GUCY2D: variants seen among roughly 807,000 people sequenced by gnomAD.
The protein encoded by GUCY2D is retinal guanylyl cyclase 1.
GUCY2D carries 70 observed loss-of-function variants against 101.3 expected under a neutral mutation model. The ratio of observed to expected loss-of-function variants is 0.69; its 90% CI spans 0.57 to 0.84. The LOEUF is 0.84. Among genes scored for constraint, GUCY2D ranks in the 40% least tolerant of loss-of-function variants. The probability of loss-of-function intolerance (pLI) is 0.00; values close to 1 mark genes in which losing one functional copy is unlikely to be tolerated. For synonymous variants in GUCY2D, 688 were observed against 670.7 expected, an observed-to-expected ratio of 1.03 and a Z score of -0.40; for missense variants, 1,460 against 1,542.5, an observed-to-expected ratio of 0.95 and a Z score of 0.90.
At chr17:8,019,892 C>G (rs1043696469) in intron 19 of GUCY2D, among the ~76,000 whole-genome samples, 9 of 152,282 alleles carry the variant, frequency 5.9e-5, no homozygotes, top group African/African-American at 1.9e-4. Context: ...GGTCACTGGG[C>G]ATCCCCCACC....
At position 8,003,272 on chromosome 17, in the gene GUCY2D, G is replaced by C; in HGVS notation, c.225G>C (p.Leu75=). ...TCTTCTCTCGGGCTCGCCCGGACCT[G>C]GCCGCCCGCCTGGCCGCCGCCCGCC... ...DPIFSRARPD[L]AARLAAARLN... The change falls in exon 2 of 20, where the codon CTG becomes CTC. Residue 75 remains leucine, a synonymous_variant. Transcript: ENST00000254854. 6.7e-7 allele frequency: 1 copy of C among 1,498,918 alleles called. No homozygotes were observed. The highest frequency in any genetic ancestry group is 1.5e-5 in the African/African-American group (1 of 68,678). The allele number at this position is 1,498,918 out of a possible 1,614,324, so 92.9% of individuals were successfully genotyped here.
chr17:8,019,759 G>A (rs1976038662), intron 19 of GUCY2D, among the ~76,000 whole-genome samples: 1 of 152,126 alleles, frequency 6.6e-6, no homozygotes, highest in African/African-American at 2.4e-5. Context: ...CATTTCTCTG[G>A]AAATCTTATT....
At chr17:8,017,495 C>G (rs1976000184) in intron 19 of GUCY2D, among the ~76,000 whole-genome samples, 1 of 152,174 alleles carries the variant, frequency 6.6e-6, no homozygotes, top group Non-Finnish European at 1.5e-5. Context: ...TCTCCATCTC[C>G]CACCAGTCAG....
In GUCY2D at chr17:8,013,656, T is replaced by C. The variant is rs1357094793; in HGVS notation, c.2264-224T>C. 8 of 599,118 alleles carry C rather than the reference T, an allele frequency of 1.3e-5. No individual in the cohort carries two copies. The highest frequency in any genetic ancestry group is 2.9e-5 in the Admixed American group (1 of 33,960). The allele number at this position is 599,118 out of a possible 1,614,324, so 37.1% of individuals were successfully genotyped here. ...TACAATATGTTAGTTTCTTTGCCTA[T>C]GTCACCTCTTACTGACCCCCAGAGT... On this transcript the variant is annotated intron_variant, in intron 11 of 19. Coordinates refer to ENST00000254854, the MANE Select transcript of GUCY2D (RefSeq NM_000180.4). The surrounding 1 kb of genome is among the most constrained non-coding windows in gnomAD (Gnocchi z 5.0).
rs1212209285 is a variant in GUCY2D, at chr17:8,016,206, G to A, written c.3140G>A (p.Gly1047Asp). Residue 1047 changes from glycine to aspartate, a missense_variant and splice_region_variant, in exon 18 of 20, where the codon GGC becomes GAC. Gly to Asp is a moderately conservative substitution (Grantham distance 94). Coordinates refer to ENST00000254854, the MANE Select transcript of GUCY2D (RefSeq NM_000180.4). ...CTTCCCTCTCCCATGTCTCCCCAGG[G>A]CAAGGGCGCCGAGGACACTTTCTGG... ...VELRGRTELK[G>D]KGAEDTFWLV... The A allele has an allele frequency of 2.5e-6, 4 of 1,584,718 alleles. No homozygotes were observed. The highest frequency in any genetic ancestry group is 2.3e-5 in the South Asian group (2 of 86,704).
At chr17:8,017,960 C>G (rs1976008172) in intron 19 of GUCY2D, among the ~76,000 whole-genome samples, 1 of 152,136 alleles carries the variant, frequency 6.6e-6, no homozygotes, top group Admixed American at 6.6e-5. Context: ...TCCCAAAGTG[C>G]TGGGATTACA....
rs61750194 is a variant in GUCY2D at position 8,016,001 on chromosome 17, C to T, written c.3118C>T (p.Arg1040Ter). 3.1e-6 allele frequency: 5 copies of T among 1,609,026 alleles called. No homozygotes were observed. Among genetic ancestry groups the T allele is most frequent in the Non-Finnish European group, 1.7e-6 (2 of 1,178,222 alleles). ...GGACTCGGGCTACCAGGTGGAGCTG[C>T]GAGGCCGCACGGAGCTGAAGGTGAG... ...ALDSGYQVEL[R>*]GRTELKGKGA... The change falls in exon 17 of 20, where the codon CGA becomes TGA. Residue 1040 changes from arginine (R) to a stop codon, truncating the protein, a stop_gained. Coordinates refer to ENST00000254854, the MANE Select transcript of GUCY2D (RefSeq NM_000180.4). LOFTEE classifies it high-confidence loss of function.
chr17:8,015,347 C>T lies in GUCY2D; in HGVS notation c.2789C>T (p.Ala930Val), dbSNP rs769964799. The change falls in exon 15 of 20, where the codon GCC becomes GTC. Residue 930 changes from alanine (A) to valine (V), a missense_variant. Physicochemically the swap from Ala to Val is moderately conservative, Grantham distance 64. This residue lies in a region of GUCY2D where 49 missense variants were observed against 85.0 expected (regional missense o/e 0.58). Transcript: ENST00000254854. The part of the protein sequence containing the change: ...DVYKVETIGD[A>V]YMVASGLPQR... ...CCCCAGGTGGAGACAATAGGGGACG[C>T]CTATATGGTGGCCTCGGGGCTGCCC... 6.2e-7 allele frequency: 1 copy of T among 1,608,652 alleles called. No homozygotes were observed. The highest frequency in any genetic ancestry group is 8.5e-7 in the Non-Finnish European group (1 of 1,179,930).
Position 8,006,635 on chromosome 17 carries a change from G to A in GUCY2D, c.1299G>A (p.Arg433=). Residue 433 remains arginine (R), a synonymous_variant, in exon 4 of 20, where the codon CGG becomes CGA. Transcript: ENST00000254854. ...ARGSFLSAGT[R]MHFPRGGSAP... is the part of the protein sequence containing the mutation. The stretch of plus-strand genomic sequence containing the variant: ...GCTCCTTCCTCTCCGCCGGTACCCG[G>A]ATGCACTTCCCGCGTGGGGGATCAG... 1.9e-6 allele frequency: 3 copies of A among 1,612,940 alleles called. No individual in the cohort carries two copies. Among genetic ancestry groups the A allele is most frequent in the Non-Finnish European group, 2.5e-6 (3 of 1,179,632 alleles).
chr17:8,008,677 G>A (rs929991963), intron 7 of GUCY2D, among the ~76,000 whole-genome samples: 2 of 152,138 alleles, frequency 1.3e-5, no homozygotes, highest in Non-Finnish European at 2.9e-5. Flanking sequence ...ATTCTCAGAG[G>A]AGGCACTATT....
chr17:8,007,457 G>A lies in GUCY2D; in HGVS notation c.1495G>A (p.Gly499Ser), dbSNP rs751263915. The A allele has an allele frequency of 1.2e-6, 2 of 1,613,570 alleles. No homozygotes were observed. The highest frequency in any genetic ancestry group is 1.1e-5 in the South Asian group (1 of 91,070). The change falls in exon 6 of 20, where the codon GGC becomes AGC. Residue 499 changes from glycine to serine, a missense_variant. Physicochemically the swap from Gly to Ser is moderately conservative, Grantham distance 56 (BLOSUM62 0). Coordinates refer to ENST00000254854, the MANE Select transcript of GUCY2D (RefSeq NM_000180.4). ...HRLLHMQMVS[G>S]PNKIILTVDD... ...GCTACTTCACATGCAAATGGTCTCC[G>A]GCCCCAACAAGATCATCCTGACCGT... is the stretch of plus-strand genomic sequence containing the variant.
chr17:8,009,999 AC>A (rs1247844329), intron 8 of GUCY2D, among the ~76,000 whole-genome samples: 1 of 151,824 alleles, frequency 6.6e-6, no homozygotes, highest in Non-Finnish European at 1.5e-5. Flanking sequence ...AAAAAAAAAA[AC>A]ATGTTTCCTC....
rs1473127222 is a variant in GUCY2D, at chr17:8,011,321, G to A, written c.1750-823G>A. On this transcript the variant is annotated intron_variant, in intron 8 of 19. Transcript: ENST00000254854. The surrounding 1 kb of genome is among the most constrained non-coding windows in gnomAD (Gnocchi z 4.3). ...TTGAGCTCAGGATGCGGAGGTTGCA[G>A]TGACCCGAGATTGCACGACTGCAAT... Among the ~76,000 whole-genome samples the A allele has an allele frequency of 6.6e-6, 1 of 152,102 alleles. No individual in the cohort carries two copies. Among genetic ancestry groups the A allele is most frequent in the Non-Finnish European group, 1.5e-5 (1 of 68,024 alleles).
In GUCY2D at chr17:8,005,887, T is replaced by G. The variant is rs562578337; in HGVS notation, c.1027-476T>G. Among the ~76,000 whole-genome samples, 3 of 152,278 alleles carry G rather than the reference T, an allele frequency of 2.0e-5. No homozygotes were observed. In the East Asian group the frequency reaches 5.8e-4, roughly 29 times the overall value. Reference sequence around the variant, plus strand: ...GAAGGTTTTTTGTTTGTTTTTTGTTTAGTTTTTTTGTTTGTTTGTTTGTTT... The same window carrying G: ...GAAGGTTTTTTGTTTGTTTTTTGTTGAGTTTTTTTGTTTGTTTGTTTGTTT... On this transcript the variant is annotated intron_variant, in intron 3 of 19. Coordinates refer to ENST00000254854, the MANE Select transcript of GUCY2D (RefSeq NM_000180.4).
At chr17:8,006,774 TGAAA>T in intron 4 of GUCY2D, 60 bp downstream of exon 4, 1 of 1,371,946 alleles carries the variant, frequency 7.3e-7, no homozygotes, top group Non-Finnish European at 1.0e-6. Context: ...CACAAAGTGA[TGAAA>T]GAGAGTGGAC....
Position 8,014,740 on chromosome 17 carries a change from G to A in GUCY2D, c.2552G>A (p.Arg851Gln), listed in dbSNP as rs531982313. The part of the protein sequence containing the change: ...ELELEKQKTD[R>Q]LLTQMLPPSV... The stretch of plus-strand genomic sequence containing the variant: ...GAGCTGGAAAAGCAGAAGACAGACC[G>A]GCTGCTTACACAGATGCTGCCTCCG... The change falls in exon 13 of 20, where the codon CGG becomes CAG. Residue 851 changes from arginine (R) to glutamine (Q), a missense_variant. By Grantham distance (43) the Arg-to-Gln change is conservative. Coordinates refer to ENST00000254854, the MANE Select transcript of GUCY2D (RefSeq NM_000180.4). The surrounding 1 kb of genome is among the most constrained non-coding windows in gnomAD (Gnocchi z 4.0). 5 of 1,613,842 alleles carry A rather than the reference G, an allele frequency of 3.1e-6. No homozygotes were observed. The highest frequency in any genetic ancestry group is 1.1e-5 in the South Asian group (1 of 91,058).
Position 8,007,079 on chromosome 17 carries a change from C to CT in GUCY2D, c.1401dup (p.Leu468SerfsTer89). On this transcript the variant is annotated frameshift_variant, in exon 5 of 20. Transcript: ENST00000254854. LOFTEE classifies it high-confidence loss of function. ...CTTCAGGACTGGAGCCGGGCCTCGT[C>CT]TTTCTTGGCTTCCTCCTGGTGGTTG... 2 of 1,614,134 alleles carry CT rather than the reference C, an allele frequency of 1.2e-6. No homozygotes were observed. Among genetic ancestry groups the CT allele is most frequent in the Non-Finnish European group, 1.7e-6 (2 of 1,179,958 alleles).
At chr17:8,019,960 G>A (rs879642561) in intron 19 of GUCY2D, among the ~76,000 whole-genome samples, 168 bp from the exon 20 acceptor site, 22 of 152,186 alleles carry the variant, frequency 1.4e-4, no homozygotes, top group Non-Finnish European at 2.1e-4. Context: ...CCACACTTGC[G>A]GTTGTCCTTG....
Position 8,006,466 on chromosome 17 carries a change from C to A in GUCY2D, c.1130C>A (p.Ala377Asp), listed in dbSNP as rs984277862. Residue 377 changes from alanine to aspartate, a missense_variant, in exon 4 of 20, where the codon GCT becomes GAT. Physicochemically the swap from Ala to Asp is moderately radical, Grantham distance 126. Coordinates refer to ENST00000254854, the MANE Select transcript of GUCY2D (RefSeq NM_000180.4). ...AAGGRWVSGA[A>D]VARHIRDAQV... ...GGTGGCAGATGGGTGTCCGGAGCAG[C>A]TGTGGCCCGCCACATCCGGGATGCG... The A allele has an allele frequency of 1.9e-6, 3 of 1,606,060 alleles. No individual in the cohort carries two copies. The highest frequency in any genetic ancestry group is 1.7e-6 in the Non-Finnish European group (2 of 1,179,964).
Sources: allele counts gnomAD v4.1 joint callset (sites outside exome capture counted in the v4.1 genomes callset), GRCh38; gene constraint gnomAD v4.1.1; regional missense constraint gnomAD v4.1.1; non-coding constraint Gnocchi (gnomAD v3.1); transcripts MANE v1.5; gene names NCBI Gene and HGNC (gene_info 2026-07-23, HGNC 2026-07-21).